JARID2: variants seen among roughly 807,000 people sequenced by gnomAD.
The protein encoded by JARID2 is protein Jumonji.
In JARID2, 21 loss-of-function variants were observed where a neutral mutation model predicts 125.6. The observed-to-expected ratio is 0.17, with a 90% CI of 0.12 to 0.24. The LOEUF is 0.24. JARID2 is among the 10% of genes least tolerant of loss of function. The probability of loss-of-function intolerance (pLI) is 1.00; values close to 1 mark genes in which losing one functional copy is unlikely to be tolerated. For missense variants in JARID2, 1,303 were observed against 1,639.6 expected (o/e 0.79, Z 3.55); for synonymous variants, 736 against 661.6 (o/e 1.11, Z -1.73).
chr6:15,367,058 A>G (rs887834101), intron 1 of JARID2, among the ~76,000 whole-genome samples: 24 of 152,234 alleles, frequency 1.6e-4, no homozygotes, highest in Non-Finnish European at 2.9e-5. Context: ...TGGTTGACCC[A>G]TGACCCAGTT....
At chr6:15,456,878 C>CTTTTTTTTTTTTT (rs71535043) in intron 4 of JARID2, among the ~76,000 whole-genome samples, 1 of 95,674 alleles carries the variant, frequency 1.0e-5, no homozygotes, top group Non-Finnish European at 1.9e-5. Context: ...GGATGTTAAG[C>CTTTTTTTTTTTTT]TTTTTTTTTT....
At chr6:15,428,945 A>AC (rs1766853225) in intron 3 of JARID2, among the ~76,000 whole-genome samples, 1 of 148,462 alleles carries the variant, frequency 6.7e-6, no homozygotes, top group African/African-American at 2.5e-5. Flanking sequence ...CCCCCCAAAA[A>AC]AAAAAAAAAC....
chr6:15,433,410 C>CTCTCTGTGTGTGTG (rs1241800597), intron 3 of JARID2, among the ~76,000 whole-genome samples: 2 of 143,428 alleles, frequency 1.4e-5, no homozygotes, highest in African/African-American at 5.2e-5. Context: ...CCATGTCTCT[C>CTCTCTGTGTGTGTG]TGTGTGTGTG....
intron 3 of JARID2, among the ~76,000 whole-genome samples, chr6:15,433,488 A>G (rs1426206239): frequency 6.7e-6 from 1 of 149,780 alleles, no homozygotes; most frequent in Non-Finnish European, 1.5e-5. Flanking sequence ...GGTGGCGTGC[A>G]TCCTACCTAA....
intron 1 of JARID2, among the ~76,000 whole-genome samples, chr6:15,289,862 A>G (rs552642880): frequency 6.6e-6 from 1 of 152,302 alleles, no homozygotes; most frequent in South Asian, 2.1e-4. Flanking sequence ...ACAAAAATAA[A>G]AAACATGATA....
At chr6:15,358,669 T>C (rs1033347462) in intron 1 of JARID2, among the ~76,000 whole-genome samples, 2 of 152,274 alleles carry the variant, frequency 1.3e-5, no homozygotes, top group Non-Finnish European at 2.9e-5. Flanking sequence ...AGAGAATTAC[T>C]GTCAAGAAAA....
In JARID2 at chr6:15,520,686, C is replaced by T. The variant is rs558096621; in HGVS notation, c.*435C>T. The T allele has an allele frequency of 2.9e-4, 124 of 420,422 alleles. No individual in the cohort carries two copies. Among genetic ancestry groups the T allele is most frequent in the South Asian group, 1.9e-3 (114 of 61,386 alleles). The allele number at this position is 420,422 out of a possible 1,614,324, so 26.0% of individuals were successfully genotyped here. On this transcript the variant is annotated 3_prime_UTR_variant, in exon 18 of 18. Coordinates refer to ENST00000341776, the MANE Select transcript of JARID2 (RefSeq NM_004973.4). ...TTTTTTAGAAGGGATAGGAGACACA[C>T]GCGCACACACACACACACACGAAAC...
At chr6:15,498,044 C>G (rs1462814394) in intron 7 of JARID2, among the ~76,000 whole-genome samples, 1 of 152,198 alleles carries the variant, frequency 6.6e-6, no homozygotes, top group Non-Finnish European at 1.5e-5. Context: ...GACCCTGTCT[C>G]CAAATTCATT....
chr6:15,510,101 C>T (rs3800496), intron 12 of JARID2, among the ~76,000 whole-genome samples: 36,124 of 151,934 alleles, frequency 0.24, 5,082 homozygotes, highest in East Asian at 0.46. Context: ...AGTTGCTGCC[C>T]GCCTGGACCT....
intron 1 of JARID2, among the ~76,000 whole-genome samples, chr6:15,360,460 G>T (rs1298619861): frequency 2.0e-5 from 3 of 152,110 alleles, no homozygotes; most frequent in African/African-American, 7.2e-5. Context: ...TGGGATTACA[G>T]GAGTGAGCCA....
At chr6:15,383,168 AT>A (rs572325061) in intron 2 of JARID2, among the ~76,000 whole-genome samples, 113 of 146,104 alleles carry the variant, frequency 7.7e-4, no homozygotes, top group South Asian at 1.3e-3. Context: ...GTAGTCTAGA[AT>A]TTTTTTTTTT....
chr6:15,249,902 C>T (rs1759376094), intron 1 of JARID2, among the ~76,000 whole-genome samples: 1 of 152,122 alleles, frequency 6.6e-6, no homozygotes. Context: ...TTTGAAAGCC[C>T]CAATCGACTT....
At chr6:15,249,902 C>G (rs1759376094) in intron 1 of JARID2, among the ~76,000 whole-genome samples, 4 of 152,122 alleles carry the variant, frequency 2.6e-5, no homozygotes. Context: ...TTTGAAAGCC[C>G]CAATCGACTT....
In JARID2 at chr6:15,307,813, G is replaced by A. The variant is rs539211990; in HGVS notation, c.45+61229G>A. 6.6e-5 allele frequency among the ~76,000 whole-genome samples: 10 copies of A among 152,286 alleles called. No homozygotes were observed. The South Asian group carries it at 1.9e-3, about 28-fold the overall frequency. The stretch of plus-strand genomic sequence containing the variant: ...AGAAATATGTTCATTGCCCAAATTT[G>A]CTAGGATAGCAGAGCCTAGTTTCAT... On this transcript the variant is annotated intron_variant, in intron 1 of 17. Coordinates refer to ENST00000341776, the MANE Select transcript of JARID2 (RefSeq NM_004973.4).
chr6:15,364,462 GACTTT>G (rs1417871749), intron 1 of JARID2, among the ~76,000 whole-genome samples: 1 of 152,202 alleles, frequency 6.6e-6, no homozygotes, highest in African/African-American at 2.4e-5. Flanking sequence ...TTTGCAGACA[GACTTT>G]ACTTCATCTT....
At chr6:15,435,174 T>A (rs1767148423) in intron 3 of JARID2, among the ~76,000 whole-genome samples, 1 of 152,226 alleles carries the variant, frequency 6.6e-6, no homozygotes, top group Non-Finnish European at 1.5e-5. Flanking sequence ...CATGGTGCTT[T>A]ATTTCCCCTG....
At chr6:15,321,295 T>A (rs1323257504) in intron 1 of JARID2, among the ~76,000 whole-genome samples, 1 of 152,142 alleles carries the variant, frequency 6.6e-6, no homozygotes, top group Admixed American at 6.5e-5. Flanking sequence ...AGAAAAATCA[T>A]GAAATTATTA....
chr6:15,515,459 C>T (rs1771500058), intron 16 of JARID2, among the ~76,000 whole-genome samples: 2 of 152,158 alleles, frequency 1.3e-5, no homozygotes, highest in Non-Finnish European at 2.9e-5. Context: ...TCAGAGTTGT[C>T]ACCTGGCATT....
chr6:15,449,624 C>A (rs759690927), intron 3 of JARID2, among the ~76,000 whole-genome samples: 4 of 151,858 alleles, frequency 2.6e-5, no homozygotes, highest in Non-Finnish European at 5.9e-5. Context: ...GCTATGATAG[C>A]GTCACTGCAC....
Sources: gnomAD v4.1 joint callset for allele counts (sites outside exome capture counted in the v4.1 genomes callset) on GRCh38, gnomAD v4.1.1 for gene constraint, MANE v1.5 for transcripts, NCBI Gene and HGNC (gene_info 2026-07-23, HGNC 2026-07-21) for gene names.